PLCL2: variants seen among roughly 807,000 people sequenced by gnomAD.
The protein encoded by PLCL2 is inactive phospholipase C-like protein 2.
A neutral mutation model predicts 79.6 loss-of-function variants in PLCL2; 4 were observed. The ratio of observed to expected loss-of-function variants is 0.05; its 90% CI spans 0.02 to 0.11. The LOEUF is 0.11. Among genes scored for constraint, PLCL2 ranks in the 10% least tolerant of loss-of-function variants. The pLI, the probability that PLCL2 is intolerant of heterozygous loss-of-function variation, is 1.00. For synonymous variants in PLCL2, 484 were observed against 457.7 expected, an observed-to-expected ratio of 1.06 and a Z score of -0.73; for missense variants, 895 against 1,291.0, an observed-to-expected ratio of 0.69 and a Z score of 4.70.
At chr3:16,891,354 A>C (rs1158141012) in intron 1 of PLCL2, among the ~76,000 whole-genome samples, 1 of 152,230 alleles carries the variant, frequency 6.6e-6, no homozygotes. Context: ...TGTGGCACCT[A>C]ATAAGCATTA....
chr3:17,087,618 CA>C (rs1256998871), intron 5 of PLCL2, among the ~76,000 whole-genome samples: 1 of 152,124 alleles, frequency 6.6e-6, no homozygotes, highest in Non-Finnish European at 1.5e-5. Context: ...ATGGAATACA[CA>C]AAACCAAGGG....
At chr3:16,980,794 G>A (rs895177529) in intron 1 of PLCL2, among the ~76,000 whole-genome samples, 18 of 152,194 alleles carry the variant, frequency 1.2e-4, no homozygotes, top group African/African-American at 4.3e-4. Flanking sequence ...CTGCTGGGAG[G>A]TGGAGGTTGT....
intron 1 of PLCL2, among the ~76,000 whole-genome samples, chr3:16,927,269 G>C (rs893056759): frequency 6.6e-6 from 1 of 151,878 alleles, no homozygotes; most frequent in African/African-American, 2.4e-5. Flanking sequence ...TTTTAATAGT[G>C]ACCAAAGTGA....
chr3:16,893,790 T>G (rs1321278847), intron 1 of PLCL2, among the ~76,000 whole-genome samples: 1 of 152,252 alleles, frequency 6.6e-6, no homozygotes, highest in Non-Finnish European at 1.5e-5. Context: ...GATAGCTGCA[T>G]GTGTACACAT....
intron 1 of PLCL2, among the ~76,000 whole-genome samples, chr3:16,956,589 G>A (rs1175763288): frequency 2.0e-5 from 3 of 152,162 alleles, no homozygotes; most frequent in Admixed American, 6.5e-5. Context: ...GATTGGAATA[G>A]TTTCAGAAGG....
intron 1 of PLCL2, among the ~76,000 whole-genome samples, chr3:16,936,529 G>A (rs988015801): frequency 6.6e-6 from 1 of 151,714 alleles, no homozygotes; most frequent in Non-Finnish European, 1.5e-5. Context: ...AAAAAAAAAA[G>A]AAAGAAAGAA....
At chr3:16,934,293 C>T (rs1453911223) in intron 1 of PLCL2, among the ~76,000 whole-genome samples, 1 of 152,148 alleles carries the variant, frequency 6.6e-6, no homozygotes, top group African/African-American at 2.4e-5. Context: ...CTACATTTCA[C>T]TCAAGTGCTG....
At chr3:16,930,196 A>C (rs898593246) in intron 1 of PLCL2, among the ~76,000 whole-genome samples, 1 of 152,158 alleles carries the variant, frequency 6.6e-6, no homozygotes, top group African/African-American at 2.4e-5. Context: ...TATGTTTTTT[A>C]TTATTTCTCC....
chr3:17,063,592 G>C (rs564564703), intron 4 of PLCL2, among the ~76,000 whole-genome samples: 1 of 152,032 alleles, frequency 6.6e-6, no homozygotes, highest in African/African-American at 2.4e-5. Flanking sequence ...TCTGTTACTC[G>C]TTGAGGTTTG....
At chr3:16,950,093 C>T (rs570418314) in intron 1 of PLCL2, among the ~76,000 whole-genome samples, 1 of 152,268 alleles carries the variant, frequency 6.6e-6, no homozygotes, top group East Asian at 1.9e-4. Context: ...GACCTTTGCT[C>T]TTCTTTTCTA....
At chr3:17,023,177 C>T (rs1312740220) in intron 3 of PLCL2, among the ~76,000 whole-genome samples, 5 of 152,160 alleles carry the variant, frequency 3.3e-5, no homozygotes, top group Non-Finnish European at 4.4e-5. Flanking sequence ...CTGCAAGAGG[C>T]GTTATTTCCT....
intron 1 of PLCL2, among the ~76,000 whole-genome samples, chr3:16,895,334 A>C (rs113997445): frequency 0.032 from 4,849 of 152,246 alleles, 118 homozygotes; most frequent in South Asian, 0.056. Flanking sequence ...TCATTTATTT[A>C]ACCACTGGAG....
intron 1 of PLCL2, among the ~76,000 whole-genome samples, chr3:16,990,639 C>T (rs563173695): frequency 4.6e-5 from 7 of 152,158 alleles, no homozygotes; most frequent in Non-Finnish European, 7.3e-5. Context: ...GTTAGGTCAG[C>T]CTCTACAGCG....
intron 1 of PLCL2, among the ~76,000 whole-genome samples, chr3:16,902,345 A>C (rs1448522677): frequency 6.6e-6 from 1 of 152,200 alleles, no homozygotes; most frequent in African/African-American, 2.4e-5. Context: ...AGAAATGATC[A>C]GTTCTGATAG....
intron 1 of PLCL2, among the ~76,000 whole-genome samples, chr3:16,924,474 G>A (rs1400916250): frequency 6.6e-6 from 1 of 152,144 alleles, no homozygotes; most frequent in African/African-American, 2.4e-5. Context: ...CTGTGTATAT[G>A]TCGAAACATA....
rs1696251475 is a variant in PLCL2 at position 16,887,444 on chromosome 3, C to T, written c.327+2078C>T. Among the ~76,000 whole-genome samples, 2 of 152,128 alleles carry T rather than the reference C, an allele frequency of 1.3e-5. No homozygotes were observed. Among genetic ancestry groups the T allele is most frequent in the Non-Finnish European group, 2.9e-5 (2 of 68,012 alleles). ...CCCATATTTTGTTCATTGTATTGTA[C>T]CTCCAAAGAAGGCTTGACATACTCC... On this transcript the variant is annotated intron_variant, in intron 1 of 5. Transcript: ENST00000615277. The surrounding 1 kb of genome is among the most constrained non-coding windows in gnomAD (Gnocchi z 4.1).
At chr3:16,979,566 C>G (rs1325782899) in intron 1 of PLCL2, among the ~76,000 whole-genome samples, 2 of 106,972 alleles carry the variant, frequency 1.9e-5, no homozygotes, top group Non-Finnish European at 3.9e-5. Flanking sequence ...CTTCAAGCAT[C>G]TGTCTAACAA....
chr3:17,056,122 C>T (rs566465961), intron 4 of PLCL2, among the ~76,000 whole-genome samples: 4 of 152,298 alleles, frequency 2.6e-5, no homozygotes, highest in Admixed American at 2.0e-4. Context: ...AGGGTCATCT[C>T]AGCAGATGTT....
At chr3:17,086,157 A>G (rs138573012) in intron 5 of PLCL2, among the ~76,000 whole-genome samples, 2 of 152,378 alleles carry the variant, frequency 1.3e-5, no homozygotes, top group East Asian at 3.9e-4. Flanking sequence ...GAGAAGAATA[A>G]AATCAGAGGA....
Sources: allele counts gnomAD v4.1 joint callset (sites outside exome capture counted in the v4.1 genomes callset), GRCh38; gene constraint gnomAD v4.1.1; non-coding constraint Gnocchi (gnomAD v3.1); transcripts MANE v1.5; gene names NCBI Gene and HGNC (gene_info 2026-07-23, HGNC 2026-07-21).